SNX9: variants seen among roughly 807,000 people sequenced by gnomAD.
The protein encoded by SNX9 is sorting nexin 9.
A neutral mutation model predicts 89.4 loss-of-function variants in SNX9; 44 were observed. The ratio of observed to expected loss-of-function variants is 0.49; its 90% CI spans 0.39 to 0.63. SNX9 has a LOEUF of 0.63. SNX9 is among the 30% of genes least tolerant of loss of function. SNX9 has a pLI of 0.00. For missense variants in SNX9, 578 were observed against 736.1 expected (o/e 0.79, Z 2.49); for synonymous variants, 236 against 247.8 (o/e 0.95, Z 0.45).
chr6:157,903,509 A>T (rs186412684), intron 6 of SNX9, among the ~76,000 whole-genome samples: 98 of 152,328 alleles, frequency 6.4e-4, no homozygotes, highest in African/African-American at 2.1e-3. Flanking sequence ...TCAGAGTCAA[A>T]TTTGAAGTTT....
At chr6:157,827,709 TGAA>T (rs1781407174) in intron 1 of SNX9, among the ~76,000 whole-genome samples, 1 of 150,344 alleles carries the variant, frequency 6.7e-6, no homozygotes, top group Non-Finnish European at 1.5e-5. Flanking sequence ...AAAGGGGACA[TGAA>T]GAAAATTGTT....
intron 9 of SNX9, among the ~76,000 whole-genome samples, chr6:157,911,055 G>A: frequency 6.6e-6 from 1 of 152,100 alleles, no homozygotes; most frequent in Non-Finnish European, 1.5e-5. Flanking sequence ...AGAGGTTGCG[G>A]TGAGCCGAGA....
At position 157,921,560 on chromosome 6, in the gene SNX9, C is replaced by T. The variant is rs746378824; in HGVS notation, c.979C>T (p.Arg327Cys). The change falls in exon 10 of 18, where the codon CGC (arginine) becomes TGC (cysteine). Residue 327 changes from arginine (R) to cysteine (C), a missense_variant. This residue lies in a region of SNX9 where 348 missense variants were observed against 491.4 expected (regional missense o/e 0.71). Transcript: ENST00000392185. ...GRFEEEFIKMRMERLQAWMTR... is the reference protein window; with the variant it reads ...GRFEEEFIKMCMERLQAWMTR... ...CTTTGAAGAGGAATTTATCAAAATG[C>T]GCATGGAGAGACTTCAGGCCTGGAT... 1.9e-6 allele frequency: 3 copies of T among 1,613,548 alleles called. No individual in the cohort carries two copies. Among genetic ancestry groups the T allele is most frequent in the Non-Finnish European group, 8.5e-7 (1 of 1,179,850 alleles).
chr6:157,840,484 CTCTCTTTCTT>C (rs946841811), intron 1 of SNX9, among the ~76,000 whole-genome samples: 16 of 142,606 alleles, frequency 1.1e-4, no homozygotes, highest in African/African-American at 2.9e-4. Context: ...CTCTCTCTCT[CTCTCTTTCTT>C]TCTCTTTCTT....
At position 157,897,652 on chromosome 6, in the gene SNX9, AGCCCACC is replaced by A. The variant is rs542581187; in HGVS notation, c.472+665_472+671del. Among the ~76,000 whole-genome samples the A allele has an allele frequency of 3.9e-5, 6 of 151,986 alleles. No homozygotes were observed. In the South Asian group the frequency reaches 1.2e-3, roughly 32 times the overall value. ...CCTCCTGAGTAGCTGGAATTACAGG[AGCCCACC>A]GCCCACCGCCACACCCGGCTGATTT... is the stretch of plus-strand genomic sequence containing the variant. On this transcript the variant is annotated intron_variant, in intron 5 of 17. Coordinates refer to ENST00000392185, the MANE Select transcript of SNX9 (RefSeq NM_016224.5).
intron 9 of SNX9, among the ~76,000 whole-genome samples, chr6:157,913,216 G>A (rs1783386236): frequency 6.6e-6 from 1 of 151,824 alleles, no homozygotes; most frequent in East Asian, 1.9e-4. Context: ...CAATGATGGT[G>A]TCTAGACTCA....
chr6:157,939,652 T>C (rs1314106854), intron 16 of SNX9, among the ~76,000 whole-genome samples: 2 of 152,024 alleles, frequency 1.3e-5, no homozygotes, highest in Admixed American at 6.6e-5. Flanking sequence ...AAGAGAAGGA[T>C]GAGGGAGGTG....
At chr6:157,900,420 G>A (rs1258333171) in intron 5 of SNX9, among the ~76,000 whole-genome samples, 1 of 152,130 alleles carries the variant, frequency 6.6e-6, no homozygotes, top group Non-Finnish European at 1.5e-5. Context: ...TGCGGGATCT[G>A]GCCAGCAGCC....
intron 4 of SNX9, among the ~76,000 whole-genome samples, chr6:157,891,113 C>G (rs1473518526): frequency 1.4e-5 from 2 of 145,962 alleles, no homozygotes; most frequent in Non-Finnish European, 3.0e-5. Flanking sequence ...CTCACTGCAA[C>G]CTCCGCCTTC....
At chr6:157,928,355 A>T (rs1274803554) in intron 11 of SNX9, among the ~76,000 whole-genome samples, 1 of 152,240 alleles carries the variant, frequency 6.6e-6, no homozygotes, top group Non-Finnish European at 1.5e-5. Context: ...TATTTACTTT[A>T]GAATAATTTT....
chr6:157,856,245 A>G (rs1424989162), intron 1 of SNX9, among the ~76,000 whole-genome samples: 1 of 152,214 alleles, frequency 6.6e-6, no homozygotes, highest in East Asian at 1.9e-4. Context: ...TTAAAAAGAC[A>G]TTTTATTGTG....
chr6:157,848,815 A>G (rs1287705073), intron 1 of SNX9, among the ~76,000 whole-genome samples: 2 of 152,240 alleles, frequency 1.3e-5, no homozygotes, highest in Non-Finnish European at 1.5e-5. Flanking sequence ...AAGGCCGTCC[A>G]TGGGAGGGAT....
chr6:157,880,077 C>G (rs1166916130), intron 4 of SNX9, among the ~76,000 whole-genome samples: 1 of 152,170 alleles, frequency 6.6e-6, no homozygotes, highest in Admixed American at 6.5e-5. Context: ...TCCCTGGCAT[C>G]TCTCTGTTTT....
At chr6:157,913,523 C>T (rs1783394709) in intron 9 of SNX9, among the ~76,000 whole-genome samples, 2 of 152,104 alleles carry the variant, frequency 1.3e-5, no homozygotes, top group Admixed American at 1.3e-4. Flanking sequence ...TATTTTTAAA[C>T]TTAGGTACAG....
chr6:157,910,494 A>G (rs940209410), intron 9 of SNX9, among the ~76,000 whole-genome samples: 3 of 152,168 alleles, frequency 2.0e-5, no homozygotes, highest in African/African-American at 7.2e-5. Context: ...ACTAAGTGTT[A>G]ATGAAGGAAG....
At chr6:157,940,206 A>C (rs184846325) in intron 16 of SNX9, among the ~76,000 whole-genome samples, 2 of 152,372 alleles carry the variant, frequency 1.3e-5, no homozygotes, top group Non-Finnish European at 2.9e-5. Flanking sequence ...CAGGGACCCC[A>C]GCTGCCTGCT....
At chr6:157,906,345 A>G in intron 7 of SNX9, 133 bp downstream of exon 7, 2 of 652,152 alleles carry the variant, frequency 3.1e-6, no homozygotes, top group Non-Finnish European at 5.2e-6. Context: ...AACTGATAAT[A>G]TATGTTAGTG....
chr6:157,831,760 A>G (rs2115105094), intron 1 of SNX9, among the ~76,000 whole-genome samples: 1 of 152,306 alleles, frequency 6.6e-6, no homozygotes, highest in East Asian at 1.9e-4. Context: ...TTTAGTTTGT[A>G]TCTTTTGCTT....
intron 1 of SNX9, among the ~76,000 whole-genome samples, chr6:157,847,571 T>G (rs891731962): frequency 7.2e-5 from 11 of 152,206 alleles, no homozygotes; most frequent in South Asian, 4.1e-4. Context: ...GTTGAGTTTT[T>G]GGGACTAAAG....
Sources: gnomAD v4.1 joint callset for allele counts (sites outside exome capture counted in the v4.1 genomes callset) on GRCh38, gnomAD v4.1.1 for gene constraint, gnomAD v4.1.1 regional missense constraint, MANE v1.5 for transcripts, NCBI Gene and HGNC (gene_info 2026-07-23, HGNC 2026-07-21) for gene names.